CHRNA7: variants seen among roughly 807,000 people sequenced by gnomAD.
CHRNA7 encodes the protein neuronal acetylcholine receptor subunit alpha-7.
In CHRNA7, 17 loss-of-function variants were observed where a neutral mutation model predicts 48.0. That is an observed-to-expected ratio of 0.35 (90% confidence interval 0.24 to 0.53). CHRNA7 has a LOEUF of 0.53. CHRNA7 is among the 20% of genes least tolerant of loss of function. The pLI is 0.92. For synonymous variants in CHRNA7, 75 were observed against 242.3 expected (o/e 0.31, Z 6.41); for missense variants, 155 against 577.7 (o/e 0.27, Z 7.50).
At chr15:32,070,555 C>T (rs1254268536) in intron 2 of CHRNA7, among the ~76,000 whole-genome samples, 1 of 151,688 alleles carries the variant, frequency 6.6e-6, no homozygotes, top group Non-Finnish European at 1.5e-5. Context: ...AGCCCAGGAC[C>T]CTGAAGATTT....
chr15:32,150,571 C>A (rs950508953), intron 4 of CHRNA7, among the ~76,000 whole-genome samples: 18 of 151,914 alleles, frequency 1.2e-4, no homozygotes, highest in Non-Finnish European at 4.4e-5. Flanking sequence ...AACTTCCATG[C>A]AAAAAGGAGT....
rs182714057 is a variant in CHRNA7 at position 32,055,977 on chromosome 15, T to A, written c.195+24940T>A. On this transcript the variant is annotated intron_variant, in intron 2 of 9. Coordinates refer to ENST00000306901, the MANE Select transcript of CHRNA7 (RefSeq NM_000746.6). Reference sequence around the variant, plus strand: ...CTGGGTGACAGAGCGAGACTCTGTATCAAAAAAAAAAACCAAAAAACAAAA... The same window carrying A: ...CTGGGTGACAGAGCGAGACTCTGTAACAAAAAAAAAAACCAAAAAACAAAA... Among the ~76,000 whole-genome samples the A allele has an allele frequency of 2.4e-3, 366 of 151,288 alleles. 7 individuals are homozygous for A. The highest frequency in any genetic ancestry group is 1.2e-3 in the Non-Finnish European group (83 of 67,784).
At chr15:32,129,052 T>C (rs2051113955) in intron 4 of CHRNA7, among the ~76,000 whole-genome samples, 1 of 151,962 alleles carries the variant, frequency 6.6e-6, no homozygotes, top group African/African-American at 2.4e-5. Context: ...ATATGGTAGA[T>C]TACATTGATC....
intron 4 of CHRNA7, among the ~76,000 whole-genome samples, chr15:32,133,825 G>A (rs1478274314): frequency 6.6e-6 from 1 of 152,150 alleles, no homozygotes; most frequent in Non-Finnish European, 1.5e-5. Context: ...GCAGAATGGA[G>A]TGCAGGGCAC....
chr15:32,119,763 G>T (rs763307207), intron 4 of CHRNA7, among the ~76,000 whole-genome samples: 40 of 152,194 alleles, frequency 2.6e-4, no homozygotes, highest in Non-Finnish European at 4.4e-4. Flanking sequence ...GCAGTGGGCA[G>T]GTTTTGCTTT....
chr15:32,120,066 G>A (rs2050941293), intron 4 of CHRNA7, among the ~76,000 whole-genome samples: 1 of 152,198 alleles, frequency 6.6e-6, no homozygotes, highest in South Asian at 2.1e-4. Context: ...GCAGATGATA[G>A]CCAGGAAATT....
chr15:32,093,835 C>T (rs1453870527), intron 2 of CHRNA7, among the ~76,000 whole-genome samples: 1 of 151,972 alleles, frequency 6.6e-6, no homozygotes, highest in Admixed American at 6.6e-5. Context: ...TTTTTAAATC[C>T]CTTAAGCCTT....
intron 4 of CHRNA7, among the ~76,000 whole-genome samples, chr15:32,138,228 A>C (rs996352509): frequency 2.6e-5 from 4 of 152,198 alleles, no homozygotes; most frequent in African/African-American, 7.2e-5. Flanking sequence ...TTTACTGGAT[A>C]TAAAAGGGGT....
At chr15:32,141,518 G>A (rs1275702040) in intron 4 of CHRNA7, among the ~76,000 whole-genome samples, 2 of 152,160 alleles carry the variant, frequency 1.3e-5, no homozygotes, top group African/African-American at 4.8e-5. Context: ...TGAGCAGTAT[G>A]GCCATTTTCA....
At chr15:32,038,878 G>C (rs138774211) in intron 2 of CHRNA7, among the ~76,000 whole-genome samples, 1 of 152,260 alleles carries the variant, frequency 6.6e-6, no homozygotes, top group East Asian at 1.9e-4. Flanking sequence ...CTTCACCAGT[G>C]AGCCCTTCTG....
intron 2 of CHRNA7, among the ~76,000 whole-genome samples, chr15:32,096,098 G>C (rs1210797171): frequency 6.6e-6 from 1 of 151,978 alleles, no homozygotes; most frequent in Admixed American, 6.6e-5. Context: ...AAATTTGGGG[G>C]GTCTCCCATA....
intron 2 of CHRNA7, among the ~76,000 whole-genome samples, chr15:32,055,683 C>G (rs2049774786): frequency 6.6e-6 from 1 of 152,136 alleles, no homozygotes; most frequent in East Asian, 1.9e-4. Flanking sequence ...GTCAAACATT[C>G]AAACCATTGC....
chr15:32,043,111 G>A (rs552991559), intron 2 of CHRNA7, among the ~76,000 whole-genome samples: 3 of 152,210 alleles, frequency 2.0e-5, no homozygotes, highest in East Asian at 3.9e-4. Context: ...GTATTAACAG[G>A]CATTGATTTT....
intron 2 of CHRNA7, among the ~76,000 whole-genome samples, chr15:32,098,032 G>C (rs1000110150): frequency 6.6e-6 from 1 of 152,240 alleles, no homozygotes; most frequent in Non-Finnish European, 1.5e-5. Context: ...ATGTCCTTCT[G>C]CCGGGGGCCA....
intron 3 of CHRNA7, among the ~76,000 whole-genome samples, chr15:32,108,477 G>A (rs1426375510): frequency 2.6e-5 from 4 of 152,218 alleles, no homozygotes; most frequent in Admixed American, 2.6e-4. Flanking sequence ...AGGGACCTAG[G>A]AACCAAGTGC....
intron 4 of CHRNA7, among the ~76,000 whole-genome samples, chr15:32,116,171 G>A (rs1480283013): frequency 2.6e-5 from 4 of 152,186 alleles, no homozygotes; most frequent in African/African-American, 7.2e-5. Flanking sequence ...TCCTGTGTAA[G>A]CCCCAGTTTT....
intron 2 of CHRNA7, among the ~76,000 whole-genome samples, chr15:32,084,833 C>CT (rs56806689): frequency 1.8e-4 from 25 of 139,294 alleles, no homozygotes; most frequent in African/African-American, 6.5e-4. Context: ...ACCTCTGACT[C>CT]TTTTTTTTTT....
At chr15:32,083,911 A>G (rs976411196) in intron 2 of CHRNA7, among the ~76,000 whole-genome samples, 5 of 152,212 alleles carry the variant, frequency 3.3e-5, no homozygotes, top group African/African-American at 1.2e-4. Context: ...TTTCAGAAGA[A>G]GAAAAGGGTT....
chr15:32,121,971 G>A (rs951802687), intron 4 of CHRNA7, among the ~76,000 whole-genome samples: 8 of 152,170 alleles, frequency 5.3e-5, no homozygotes, highest in Admixed American at 3.3e-4. Flanking sequence ...TGTCCCTGAC[G>A]CCTGGCCACA....
Sources: allele counts gnomAD v4.1 joint callset (sites outside exome capture counted in the v4.1 genomes callset), GRCh38; gene constraint gnomAD v4.1.1; transcripts MANE v1.5; gene names NCBI Gene and HGNC (gene_info 2026-07-23, HGNC 2026-07-21).